Variants in GNPTAB observed in about 807,000 individuals in gnomAD.
The protein encoded by GNPTAB is N-acetylglucosamine-1-phosphotransferase subunits alpha/beta.
A neutral mutation model predicts 136.6 loss-of-function variants in GNPTAB; 92 were observed. The observed-to-expected ratio is 0.67, with a 90% CI of 0.57 to 0.80. The LOEUF (loss-of-function observed/expected upper bound fraction) is 0.80. Among genes scored for constraint, GNPTAB ranks in the 30% least tolerant of loss-of-function variants. The probability of loss-of-function intolerance (pLI) is 0.00; values close to 1 mark genes in which losing one functional copy is unlikely to be tolerated. For synonymous variants in GNPTAB, 512 were observed against 535.1 expected (o/e 0.96, Z 0.60); for missense variants, 1,343 against 1,501.8 (o/e 0.89, Z 1.75).
chr12:101,827,616 A>G (rs1871156397), intron 1 of GNPTAB, among the ~76,000 whole-genome samples: 1 of 152,216 alleles, frequency 6.6e-6, no homozygotes. Context: ...AAAATACAGC[A>G]TCAAATACCT....
Position 101,764,630 on chromosome 12 carries a change from C to A in GNPTAB, c.2287G>T (p.Val763Leu), listed in dbSNP as rs750459842. ...TGAACCTGTTTTTCCTGTGGAGCCA[C>A]CAAACTGTCATTTGTTTCATCTGTT... ...IITDETNDSLVAPQEKQVHKS... is the reference protein window; with the variant it reads ...IITDETNDSLLAPQEKQVHKS... The change falls in exon 13 of 21, where the codon GTG becomes TTG. Residue 763 changes from valine (V) to leucine (L), a missense_variant. Coordinates refer to ENST00000299314, the MANE Select transcript of GNPTAB (RefSeq NM_024312.5). 1.2e-6 allele frequency: 2 copies of A among 1,614,030 alleles called. No homozygotes were observed. The highest frequency in any genetic ancestry group is 1.6e-4 in the Middle Eastern group (1 of 6,062).
At chr12:101,767,245 A>T (rs888653433) in intron 11 of GNPTAB, among the ~76,000 whole-genome samples, 1 of 152,224 alleles carries the variant, frequency 6.6e-6, no homozygotes, top group Admixed American at 6.5e-5. Flanking sequence ...ATAATGAATA[A>T]TGCTCTATAA....
At chr12:101,773,062 C>T (rs1037908781) in intron 7 of GNPTAB, 11 of 182,218 alleles carry the variant, frequency 6.0e-5, no homozygotes, top group South Asian at 4.3e-4. Context: ...CTGCCCGCCT[C>T]GGCCTCCCAA....
intron 8 of GNPTAB, 85 bp from the exon 9 acceptor site, chr12:101,770,670 GCT>G: frequency 1.0e-6 from 1 of 955,536 alleles, no homozygotes; most frequent in Non-Finnish European, 1.7e-6. Flanking sequence ...CTGCCCGTCT[GCT>G]CTCAAGGTGC....
chr12:101,788,650 C>A (rs748876197), intron 3 of GNPTAB, 61 bp from the exon 4 acceptor site: 18 of 868,176 alleles, frequency 2.1e-5, no homozygotes, highest in Non-Finnish European at 3.4e-5. Context: ...CCCACTGTAA[C>A]CAAGACGGTT....
At chr12:101,792,285 C>T (rs917839742) in intron 2 of GNPTAB, among the ~76,000 whole-genome samples, 10 of 152,040 alleles carry the variant, frequency 6.6e-5, no homozygotes, top group African/African-American at 2.2e-4. Context: ...GACCCAGAGG[C>T]GAGTTCCCTG....
At chr12:101,755,761 G>A (rs1226084311) in intron 18 of GNPTAB, among the ~76,000 whole-genome samples, 1 of 152,122 alleles carries the variant, frequency 6.6e-6, no homozygotes, top group Admixed American at 6.6e-5. Flanking sequence ...CATAAACAAG[G>A]GTTAATGATA....
intron 5 of GNPTAB, 128 bp from the exon 6 acceptor site, chr12:101,780,749 C>A: frequency 1.4e-6 from 1 of 710,990 alleles, no homozygotes; most frequent in Non-Finnish European, 2.5e-6. Context: ...AAAAAGGAAG[C>A]TGAAGGAGAC....
chr12:101,774,525 A>G (rs2137129627), intron 7 of GNPTAB, among the ~76,000 whole-genome samples: 2 of 152,352 alleles, frequency 1.3e-5, no homozygotes, highest in East Asian at 3.9e-4. Context: ...AGTGTATCAC[A>G]TAGGACAGGG....
At chr12:101,773,648 T>C (rs1162147233) in intron 7 of GNPTAB, 1 of 152,630 alleles carries the variant, frequency 6.6e-6, no homozygotes, top group African/African-American at 2.4e-5. Context: ...CTATAGTAAC[T>C]ATACAATAAT....
Position 101,812,098 on chromosome 12 carries a change from T to C in GNPTAB, c.118-15336A>G, listed in dbSNP as rs1042630828. Reference sequence around the variant, plus strand: ...GAAACCCCATCTCTACTAAAAAAAATGCTGGGCGTGGTGGCATGTGCCTGT... The same window carrying C: ...GAAACCCCATCTCTACTAAAAAAAACGCTGGGCGTGGTGGCATGTGCCTGT... On this transcript the variant is annotated intron_variant, in intron 1 of 20. Transcript: ENST00000299314. Among the ~76,000 whole-genome samples, 18 of 150,994 alleles carry C rather than the reference T, an allele frequency of 1.2e-4. 1 individual carries two copies. The highest frequency in any genetic ancestry group is 1.5e-5 in the Non-Finnish European group (1 of 67,664).
chr12:101,755,986 G>A lies in GNPTAB; in HGVS notation c.3434+1226C>T, dbSNP rs555256026. On this transcript the variant is annotated intron_variant, in intron 18 of 20. Coordinates refer to ENST00000299314, the MANE Select transcript of GNPTAB (RefSeq NM_024312.5). ...TTCTCACATTATTACTACACATGAC[G>A]GAGAGAACTCATCAAGAAAATGGGG... Among the ~76,000 whole-genome samples, 16 of 152,236 alleles carry A rather than the reference G, an allele frequency of 1.1e-4. No individual in the cohort carries two copies. In the South Asian group the frequency reaches 1.7e-3, roughly 16 times the overall value.
chr12:101,815,622 C>CA (rs34191299), intron 1 of GNPTAB, among the ~76,000 whole-genome samples: 1,851 of 135,302 alleles, frequency 0.014, 13 homozygotes, highest in Non-Finnish European at 0.022. Context: ...GACCCTGTTC[C>CA]AAAAAAAAAA....
Position 101,749,226 on chromosome 12 carries a change from G to A in GNPTAB, c.3603-35C>T, listed in dbSNP as rs1594199963. ...GAGAAGAAAGCAACTATGTACTTCT[G>A]TATATGGTTTCACTACCATTAGTTA... On this transcript the variant is annotated intron_variant, in intron 19 of 20. Coordinates refer to ENST00000299314, the MANE Select transcript of GNPTAB (RefSeq NM_024312.5). The A allele has an allele frequency of 5.7e-6, 7 of 1,223,602 alleles. No individual in the cohort carries two copies. In the East Asian group the frequency reaches 1.2e-4, roughly 20 times the overall value. The allele number at this position is 1,223,602 out of a possible 1,614,324, so 75.8% of individuals were successfully genotyped here. A position where few individuals can be genotyped will look rare whatever the true frequency, so the allele number is the denominator to read the frequency against.
chr12:101,767,265 TTTATA>T (rs2137120432), intron 11 of GNPTAB, among the ~76,000 whole-genome samples: 1 of 152,338 alleles, frequency 6.6e-6, no homozygotes, highest in African/African-American at 2.4e-5. Flanking sequence ...AATTTAATGC[TTTATA>T]AATTGAAAGG....
intron 5 of GNPTAB, among the ~76,000 whole-genome samples, chr12:101,785,136 G>C (rs1030576122): frequency 3.3e-5 from 5 of 152,242 alleles, no homozygotes; most frequent in African/African-American, 9.6e-5. Context: ...TTGGGTTTTG[G>C]TGAGGGTACT....
In GNPTAB at chr12:101,788,400, CCTGT is replaced by C. The variant is rs1009674176; in HGVS notation, c.365+144_365+147del. 7.5e-6 allele frequency: 5 copies of C among 669,900 alleles called. No homozygotes were observed. In the African/African-American group the frequency reaches 8.9e-5, roughly 12 times the overall value. The allele number at this position is 669,900 out of a possible 1,614,324, so 41.5% of individuals were successfully genotyped here. On this transcript the variant is annotated intron_variant, in intron 4 of 20. Transcript: ENST00000299314. Reference sequence around the variant, plus strand: ...CTATGCACTCAGCACTGCAAAATTTCCTGTCTAATAGATGTACCTAATTTGGGGT... The same window carrying C: ...CTATGCACTCAGCACTGCAAAATTTCCTAATAGATGTACCTAATTTGGGGT...
chr12:101,808,425 C>G (rs545208114), intron 1 of GNPTAB, among the ~76,000 whole-genome samples: 94 of 151,282 alleles, frequency 6.2e-4, no homozygotes, highest in African/African-American at 2.1e-3. Context: ...ACCTGTGGAC[C>G]CAGCTACTCA....
Position 101,750,219 on chromosome 12 carries a change from T to C in GNPTAB, c.3603-1028A>G, listed in dbSNP as rs1027359060. On this transcript the variant is annotated intron_variant, in intron 19 of 20. Transcript: ENST00000299314. Reference sequence around the variant, plus strand: ...GAAGATTAAATAAAAATGCTTACCATAGGTTTGGAAGATATGCTAGTAACT... The same window carrying C: ...GAAGATTAAATAAAAATGCTTACCACAGGTTTGGAAGATATGCTAGTAACT... 3.3e-5 allele frequency among the ~76,000 whole-genome samples: 5 copies of C among 152,340 alleles called. No individual in the cohort carries two copies. The South Asian group carries it at 6.2e-4, about 19-fold the overall frequency.
Sources: allele counts gnomAD v4.1 joint callset (sites outside exome capture counted in the v4.1 genomes callset), GRCh38; gene constraint gnomAD v4.1.1; transcripts MANE v1.5; gene names NCBI Gene and HGNC (gene_info 2026-07-23, HGNC 2026-07-21).